Variants in LRMDA observed in about 807,000 individuals in gnomAD.
LRMDA encodes leucine rich melanocyte differentiation associated.
In LRMDA, 18 loss-of-function variants were observed where a neutral mutation model predicts 29.8. The ratio of observed to expected loss-of-function variants is 0.60; its 90% confidence interval spans 0.42 to 0.90. LRMDA has a LOEUF of 0.90. Ranked by LOEUF, LRMDA falls within the 40% of genes least tolerant of loss-of-function variation. The pLI, the probability that LRMDA is intolerant of heterozygous loss-of-function variation, is 0.00. For synonymous variants in LRMDA, 125 were observed against 109.4 expected, an observed-to-expected ratio of 1.14 and a Z score of -0.89; for missense variants, 273 against 273.9, an observed-to-expected ratio of 1.00 and a Z score of 0.02.
intron 2 of LRMDA, among the ~76,000 whole-genome samples, chr10:75,860,797 G>A (rs915791698): frequency 3.3e-5 from 5 of 152,280 alleles, no homozygotes; most frequent in African/African-American, 7.2e-5. Flanking sequence ...CCTAAGTTCT[G>A]TGGCCACAGA....
intron 2 of LRMDA, among the ~76,000 whole-genome samples, chr10:75,968,098 C>A (rs945886047): frequency 6.6e-6 from 1 of 151,852 alleles, no homozygotes; most frequent in Non-Finnish European, 1.5e-5. Flanking sequence ...CTTGTTGGCT[C>A]TGCAGTGGGA....
At chr10:76,010,186 C>T (rs963569896) in intron 2 of LRMDA, among the ~76,000 whole-genome samples, 3 of 152,032 alleles carry the variant, frequency 2.0e-5, no homozygotes, top group East Asian at 1.9e-4. Context: ...CTTACTGTCC[C>T]GGGATGAAGG....
chr10:75,610,659 G>A (rs1490717298), intron 2 of LRMDA, among the ~76,000 whole-genome samples: 1 of 152,190 alleles, frequency 6.6e-6, no homozygotes, highest in Non-Finnish European at 1.5e-5. Flanking sequence ...TGTTCGGGTG[G>A]CAGAGGCAGG....
At chr10:75,834,724 G>A (rs1844404510) in intron 2 of LRMDA, among the ~76,000 whole-genome samples, 2 of 152,318 alleles carry the variant, frequency 1.3e-5, no homozygotes, top group South Asian at 4.1e-4. Flanking sequence ...TCCTCTTCCA[G>A]TGTCCAGTGA....
intron 5 of LRMDA, among the ~76,000 whole-genome samples, chr10:76,171,682 T>G (rs1850841447): frequency 6.6e-6 from 1 of 152,202 alleles, no homozygotes; most frequent in Non-Finnish European, 1.5e-5. Flanking sequence ...AAGTTGGTGC[T>G]TCTCTTTAGG....
intron 6 of LRMDA, among the ~76,000 whole-genome samples, chr10:76,396,269 C>T (rs2132490165): frequency 6.6e-6 from 1 of 152,214 alleles, no homozygotes; most frequent in East Asian, 1.9e-4. Flanking sequence ...TCTTCTTTTC[C>T]CTGGGGGAAA....
intron 2 of LRMDA, among the ~76,000 whole-genome samples, chr10:75,959,086 A>T (rs1257373487): frequency 1.3e-5 from 2 of 152,204 alleles, no homozygotes; most frequent in African/African-American, 4.8e-5. Flanking sequence ...CAGCCAAACC[A>T]TATCAGAGAG....
chr10:76,438,593 C>A (rs1049056570), intron 6 of LRMDA: 4 of 152,066 alleles, frequency 2.6e-5, no homozygotes, highest in African/African-American at 7.2e-5. Context: ...AATTTATCAC[C>A]GCTCACATTT....
At chr10:75,771,085 G>A (rs953440760) in intron 2 of LRMDA, among the ~76,000 whole-genome samples, 1 of 152,184 alleles carries the variant, frequency 6.6e-6, no homozygotes, top group Non-Finnish European at 1.5e-5. Flanking sequence ...ACTGTCCCTG[G>A]GGGTTGGTGT....
chr10:75,985,163 C>T (rs985686978), intron 2 of LRMDA, among the ~76,000 whole-genome samples: 3 of 150,422 alleles, frequency 2.0e-5, no homozygotes, highest in Non-Finnish European at 3.0e-5. Flanking sequence ...TTCTGAGAAA[C>T]GATGGAAATG....
chr10:75,911,906 T>C lies in LRMDA; in HGVS notation c.132-124102T>C, dbSNP rs78049163. On this transcript the variant is annotated intron_variant, in intron 2 of 6. Coordinates refer to ENST00000611255, the MANE Select transcript of LRMDA (RefSeq NM_001305581.2). The stretch of plus-strand genomic sequence containing the variant: ...GGTGACCACCTATGCCCTGTCAGTA[T>C]TACCCTTTCTGTGTACATTGCCCAG... Among the ~76,000 whole-genome samples, 1,314 of 152,322 alleles carry C rather than the reference T, an allele frequency of 8.6e-3. 13 individuals carry two copies. Among genetic ancestry groups the C allele is most frequent in the African/African-American group, 0.024 (984 of 41,568 alleles).
At chr10:76,046,756 T>A (rs1240149566) in intron 3 of LRMDA, among the ~76,000 whole-genome samples, 1 of 152,246 alleles carries the variant, frequency 6.6e-6, no homozygotes, top group East Asian at 1.9e-4. Context: ...CGTACTGGAA[T>A]TACAGGTGTG....
chr10:76,257,611 G>C (rs1852620918), intron 5 of LRMDA, among the ~76,000 whole-genome samples: 1 of 151,964 alleles, frequency 6.6e-6, no homozygotes, highest in Middle Eastern at 3.2e-3. Context: ...TGGGATTACA[G>C]GTGTGAGCCA....
intron 2 of LRMDA, among the ~76,000 whole-genome samples, chr10:75,514,183 TTTC>T (rs1845261062): frequency 1.4e-5 from 2 of 147,238 alleles, no homozygotes; most frequent in South Asian, 2.2e-4. Context: ...TTTTTTTTCC[TTTC>T]TTCTTCTTGG....
At chr10:76,540,761 C>A (rs1028623557) in intron 6 of LRMDA, among the ~76,000 whole-genome samples, 2 of 152,178 alleles carry the variant, frequency 1.3e-5, no homozygotes, top group Non-Finnish European at 2.9e-5. Flanking sequence ...TAAGAAACTG[C>A]AGAATGAGCA....
intron 5 of LRMDA, among the ~76,000 whole-genome samples, chr10:76,272,889 C>T (rs1040694837): frequency 5.3e-5 from 8 of 152,168 alleles, no homozygotes; most frequent in South Asian, 2.1e-4. Context: ...CTTACGAGAA[C>T]TCACTCACTA....
At chr10:75,438,874 G>A (rs1365106011) in intron 2 of LRMDA, among the ~76,000 whole-genome samples, 1 of 152,212 alleles carries the variant, frequency 6.6e-6, no homozygotes, top group Non-Finnish European at 1.5e-5. Flanking sequence ...GTCTAGGTGT[G>A]CTTTCTTAGG....
At chr10:75,686,002 T>G (rs1242958794) in intron 2 of LRMDA, among the ~76,000 whole-genome samples, 1 of 152,198 alleles carries the variant, frequency 6.6e-6, no homozygotes, top group Non-Finnish European at 1.5e-5. Context: ...ATAAGGACTT[T>G]GAGGCATGGA....
chr10:76,254,340 C>CATACCATCCT (rs759692334), intron 5 of LRMDA, among the ~76,000 whole-genome samples: 83 of 90,108 alleles, frequency 9.2e-4, no homozygotes, highest in African/African-American at 2.7e-3. Flanking sequence ...CATACCATAC[C>CATACCATCCT]ATCCTATCCT....
Sources: gnomAD v4.1 joint callset for allele counts (sites outside exome capture counted in the v4.1 genomes callset) on GRCh38, gnomAD v4.1.1 for gene constraint, MANE v1.5 for transcripts, NCBI Gene and HGNC (gene_info 2026-07-23, HGNC 2026-07-21) for gene names.